Variants in ZBTB38 observed in about 807,000 individuals in gnomAD.
The protein encoded by ZBTB38 is zinc finger and BTB domain containing 38, also known as zinc finger and BTB domain-containing protein 38.
ZBTB38 carries 20 observed loss-of-function variants against 76.8 expected under a neutral mutation model. The ratio of observed to expected loss-of-function variants is 0.26; its 90% CI spans 0.18 to 0.38. The LOEUF (loss-of-function observed/expected upper bound fraction) is 0.38. Among genes scored for constraint, ZBTB38 ranks in the 10% least tolerant of loss-of-function variants. The probability of loss-of-function intolerance (pLI) is 1.00; values close to 1 mark genes in which losing one functional copy is unlikely to be tolerated. For missense variants in ZBTB38, 1,082 were observed against 1,482.3 expected (o/e 0.73, Z 4.43); for synonymous variants, 504 against 544.2 (o/e 0.93, Z 1.03).
chr3:141,413,336 C>T lies in ZBTB38; in HGVS notation c.-1+9305C>T, dbSNP rs1298935215. Among the ~76,000 whole-genome samples the T allele has an allele frequency of 6.6e-6, 1 of 152,186 alleles. No individual in the cohort carries two copies. The highest frequency in any genetic ancestry group is 1.5e-5 in the Non-Finnish European group (1 of 68,038). ...AATGCTCCCCAGACTGAGGAATCAG[C>T]TGCACATCCCCCTGATGTCTCTAAA... On this transcript the variant is annotated intron_variant, in intron 5 of 5. Transcript: ENST00000321464. This position sits in a 1 kb window ranked among gnomAD's most constrained non-coding sequence, Gnocchi z 4.1.
chr3:141,448,633 GTC>G lies in ZBTB38; in HGVS notation c.*2659_*2660del, dbSNP rs1245903954. 2.6e-5 allele frequency: 4 copies of G among 152,184 alleles called. No individual in the cohort carries two copies. The highest frequency in any genetic ancestry group is 9.6e-5 in the African/African-American group (4 of 41,460). 9.4% of individuals were successfully genotyped at this position (152,184 alleles called of 1,614,324 possible). ...AATGCAGATGTTAAGGATTGGAAAAGTCTAATTTTATTTTTAGAAATAATGGA... is the reference window on the plus strand; with the variant it reads ...AATGCAGATGTTAAGGATTGGAAAAGTAATTTTATTTTTAGAAATAATGGA... On this transcript the variant is annotated 3_prime_UTR_variant, in exon 6 of 6. Coordinates refer to ENST00000321464, the MANE Select transcript of ZBTB38 (RefSeq NM_001376113.1).
At position 141,445,139 on chromosome 3, in the gene ZBTB38, C is replaced by T; in HGVS notation, c.2751C>T (p.Arg917=). The stretch of plus-strand genomic sequence containing the variant: ...AGGATTCCACTGACAAACCGTGGCG[C>T]CCTTACTACAACTACAAACCCAAAA... ...SDQDSTDKPW[R]PYYNYKPKKK... The change falls in exon 6 of 6, where the codon CGC becomes CGT. Residue 917 remains arginine (R), a synonymous_variant. Transcript: ENST00000321464. This position sits in a 1 kb window ranked among gnomAD's most constrained non-coding sequence, Gnocchi z 6.5. The T allele has an allele frequency of 6.2e-7, 1 of 1,614,030 alleles. No individual in the cohort carries two copies. The highest frequency in any genetic ancestry group is 8.5e-7 in the Non-Finnish European group (1 of 1,180,024).
In ZBTB38 at chr3:141,432,232, G is replaced by T. The variant is rs143947825; in HGVS notation, c.1-10157G>T. 3.0e-6 allele frequency: 3 copies of T among 985,448 alleles called. No individual in the cohort carries two copies. The East Asian group carries it at 3.4e-4, about 112-fold the overall frequency. The allele number at this position is 985,448 out of a possible 1,614,324, so 61.0% of individuals were successfully genotyped here. The stretch of plus-strand genomic sequence containing the variant: ...AGTATGGACTGCAGGTTTGACTTTT[G>T]CAGGATTCCAGGTCAGTATCCTAAT... On this transcript the variant is annotated intron_variant, in intron 5 of 5. Coordinates refer to ENST00000321464, the MANE Select transcript of ZBTB38 (RefSeq NM_001376113.1).
intron 1 of ZBTB38, among the ~76,000 whole-genome samples, chr3:141,334,443 T>TC (rs1559910893): frequency 7.8e-6 from 1 of 127,976 alleles, no homozygotes; most frequent in African/African-American, 3.3e-5. Context: ...CTTCCTTCCT[T>TC]CTTTCCTTTC....
rs960376263 is a variant in ZBTB38, at chr3:141,413,203, G to T, written c.-1+9172G>T. On this transcript the variant is annotated intron_variant, in intron 5 of 5. Coordinates refer to ENST00000321464, the MANE Select transcript of ZBTB38 (RefSeq NM_001376113.1). The surrounding 1 kb of genome is among the most constrained non-coding windows in gnomAD (Gnocchi z 4.1). ...TGATCTCTGTACGCTGGTATTTTGC[G>T]CCTGGAGCCAGGTGTCTGTTGACAG... 6.6e-6 allele frequency among the ~76,000 whole-genome samples: 1 copy of T among 152,196 alleles called. No homozygotes were observed. Among genetic ancestry groups the T allele is most frequent in the Non-Finnish European group, 1.5e-5 (1 of 68,028 alleles).
intron 4 of ZBTB38, among the ~76,000 whole-genome samples, chr3:141,396,687 C>A (rs2149447735): frequency 6.6e-6 from 1 of 152,308 alleles, no homozygotes; most frequent in African/African-American, 2.4e-5. Flanking sequence ...CAAAATTATT[C>A]TTTGATCAGG....
At chr3:141,375,634 T>C (rs931786336) in intron 2 of ZBTB38, among the ~76,000 whole-genome samples, 1 of 151,676 alleles carries the variant, frequency 6.6e-6, no homozygotes, top group Non-Finnish European at 1.5e-5. Context: ...AAGAGCAGAG[T>C]AGGAGGTGGG....
At chr3:141,329,111 G>A (rs1221309950) in intron 1 of ZBTB38, among the ~76,000 whole-genome samples, 4 of 152,072 alleles carry the variant, frequency 2.6e-5, no homozygotes, top group South Asian at 4.1e-4. Flanking sequence ...AAAAAACCCC[G>A]CCTCCTTGGA....
At chr3:141,341,293 C>T (rs1943191380) in intron 1 of ZBTB38, among the ~76,000 whole-genome samples, 1 of 152,194 alleles carries the variant, frequency 6.6e-6, no homozygotes, top group African/African-American at 2.4e-5. Flanking sequence ...CTCAGCAATT[C>T]CACTCCTAGG....
In ZBTB38 at chr3:141,420,502, G is replaced by T. The variant is rs147941335; in HGVS notation, c.-1+16471G>T. On this transcript the variant is annotated intron_variant, in intron 5 of 5. Transcript: ENST00000321464. ...ACTTGCCTTGTGGCCTCAGTACCTT[G>T]ATTCCAAACATATTGATGGATTAAG... 3.2e-3 allele frequency among the ~76,000 whole-genome samples: 492 copies of T among 152,328 alleles called. 2 individuals carry two copies. The highest frequency in any genetic ancestry group is 0.011 in the African/African-American group (460 of 41,570).
At chr3:141,430,070 G>C (rs1456996386) in intron 5 of ZBTB38, among the ~76,000 whole-genome samples, 2 of 152,036 alleles carry the variant, frequency 1.3e-5, no homozygotes, top group Non-Finnish European at 2.9e-5. Context: ...GTTTTGTTTT[G>C]TTTTGTTTTT....
rs1391216475 is a variant in ZBTB38 at position 141,449,546 on chromosome 3, G to A, written c.*3570G>A. 2 of 152,182 alleles carry A rather than the reference G, an allele frequency of 1.3e-5. No homozygotes were observed. Among genetic ancestry groups the A allele is most frequent in the African/African-American group, 2.4e-5 (1 of 41,444 alleles). 9.4% of individuals were successfully genotyped at this position (152,182 alleles called of 1,614,324 possible). ...AAATGCCTGCAGTTTGTCCCAGTGG[G>A]CAATGTGAGAGGGGATGTCGGTGGC... On this transcript the variant is annotated 3_prime_UTR_variant, in exon 6 of 6. Coordinates refer to ENST00000321464, the MANE Select transcript of ZBTB38 (RefSeq NM_001376113.1).
In ZBTB38 at chr3:141,443,432, C is replaced by T. The variant is rs914547848; in HGVS notation, c.1044C>T (p.Ser348=). The part of the protein sequence containing the change: ...PPLVYNCSCC[S]KAFDSSTLLS... ...TGGTGTACAATTGTAGCTGCTGTTC[C>T]AAAGCCTTTGACAGCAGCACTCTGC... Residue 348 remains serine (S), a synonymous_variant, in exon 6 of 6, where the codon TCC becomes TCT. Coordinates refer to ENST00000321464, the MANE Select transcript of ZBTB38 (RefSeq NM_001376113.1). The surrounding 1 kb of genome is among the most constrained non-coding windows in gnomAD (Gnocchi z 5.6). 1.2e-6 allele frequency: 2 copies of T among 1,614,204 alleles called. No individual in the cohort carries two copies. Among genetic ancestry groups the T allele is most frequent in the African/African-American group, 1.3e-5 (1 of 75,046 alleles).
intron 2 of ZBTB38, among the ~76,000 whole-genome samples, chr3:141,380,957 C>G (rs1426860381): frequency 5.3e-5 from 8 of 152,116 alleles, no homozygotes; most frequent in Admixed American, 5.2e-4. Flanking sequence ...TGTAAGAATT[C>G]TTACTTTTTT....
chr3:141,344,289 TC>T (rs1308976230), intron 1 of ZBTB38, among the ~76,000 whole-genome samples: 4 of 152,038 alleles, frequency 2.6e-5, no homozygotes, highest in Non-Finnish European at 5.9e-5. Context: ...TAGGGGAGAA[TC>T]CCTTTCCCTA....
chr3:141,342,973 A>G (rs1163114618), intron 1 of ZBTB38, among the ~76,000 whole-genome samples: 1 of 152,140 alleles, frequency 6.6e-6, no homozygotes, highest in East Asian at 1.9e-4. Context: ...ATGTCAATAT[A>G]TGGAGCTGTG....
chr3:141,349,750 A>G (rs1199148578), intron 1 of ZBTB38, among the ~76,000 whole-genome samples: 1 of 152,072 alleles, frequency 6.6e-6, no homozygotes, highest in Non-Finnish European at 1.5e-5. Context: ...ATAAAAATAC[A>G]TCACGAAAGA....
intron 1 of ZBTB38, among the ~76,000 whole-genome samples, chr3:141,329,039 T>C (rs1021897275): frequency 6.6e-6 from 1 of 152,162 alleles, no homozygotes; most frequent in Admixed American, 6.5e-5. Context: ...GCTCTCATTC[T>C]TTCATCCAAT....
chr3:141,328,426 T>C (rs1267396350), intron 1 of ZBTB38, among the ~76,000 whole-genome samples: 1 of 152,168 alleles, frequency 6.6e-6, no homozygotes, highest in Non-Finnish European at 1.5e-5. Context: ...TTAATCTCTC[T>C]TTCTGTGAAT....
Sources: gnomAD v4.1 joint callset for allele counts (sites outside exome capture counted in the v4.1 genomes callset) on GRCh38, gnomAD v4.1.1 for gene constraint, Gnocchi (gnomAD v3.1) non-coding constraint, MANE v1.5 for transcripts, NCBI Gene and HGNC (gene_info 2026-07-23, HGNC 2026-07-21) for gene names.